The following SCIN variants were observed in gnomAD, a reference collection of about 807,000 sequenced individuals.
SCIN encodes the protein scinderin.
In SCIN, 91 loss-of-function variants were observed where a neutral mutation model predicts 91.8. The observed-to-expected ratio is 0.99, with a 90% CI of 0.84 to 1.18. The LOEUF (loss-of-function observed/expected upper bound fraction) is 1.18. Among genes scored for constraint, SCIN ranks in the 50% most tolerant of loss-of-function variants. SCIN has a pLI of 0.00. For synonymous variants in SCIN, 367 were observed against 312.6 expected (o/e 1.17, Z -1.84); for missense variants, 1,087 against 863.9 (o/e 1.26, Z -3.24).
chr7:12,641,507 G>T (rs1783859326), intron 11 of SCIN, among the ~76,000 whole-genome samples: 1 of 152,008 alleles, frequency 6.6e-6, no homozygotes. Flanking sequence ...AGACTGAACT[G>T]CCAGTCCTCC....
intron 3 of SCIN, among the ~76,000 whole-genome samples, chr7:12,593,664 A>C (rs1782774857): frequency 6.6e-6 from 1 of 152,114 alleles, no homozygotes; most frequent in African/African-American, 2.4e-5. Flanking sequence ...AATGTCTTTA[A>C]GTTTTTCAAA....
At chr7:12,635,974 C>T in intron 9 of SCIN, 71 bp from the exon 10 acceptor site, 2 of 1,055,782 alleles carry the variant, frequency 1.9e-6, no homozygotes, top group Non-Finnish European at 1.4e-6. Flanking sequence ...CTTGTCTCTG[C>T]TTGCAATGCC....
chr7:12,652,548 C>G, intron 15 of SCIN, 40 bp from the exon 16 acceptor site: 1 of 1,588,516 alleles, frequency 6.3e-7, no homozygotes, highest in Non-Finnish European at 8.6e-7. Flanking sequence ...TAGTTTAACC[C>G]AAACTAACTG....
chr7:12,581,234 T>G lies in SCIN; in HGVS notation c.516+13T>G. The G allele has an allele frequency of 6.5e-7, 1 of 1,549,310 alleles. No individual in the cohort carries two copies. On this transcript the variant is annotated intron_variant, in intron 3 of 15. Coordinates refer to ENST00000297029, the MANE Select transcript of SCIN (RefSeq NM_001112706.3). ...TGACCTTGGCACCGTAAGTTTCATATATACACATCGATGTCTAAAGAAAAG... is the reference window on the plus strand; with the variant it reads ...TGACCTTGGCACCGTAAGTTTCATAGATACACATCGATGTCTAAAGAAAAG...
At position 12,570,938 on chromosome 7, in the gene SCIN, C is replaced by T. The variant is rs1316642930; in HGVS notation, c.152C>T (p.Thr51Met). ...YVGDAYLVLHTAKTSRGFTYH... is the reference protein window; with the variant it reads ...YVGDAYLVLHMAKTSRGFTYH... ...GGGGATGCCTACCTGGTGCTGCACA[C>T]GGCCAAGACGAGCCGAGGCTTCACC... Residue 51 changes from threonine to methionine, a missense_variant, in exon 1 of 16, where the codon ACG becomes ATG. By Grantham distance (81) the Thr-to-Met change is moderately conservative. Transcript: ENST00000297029. 1.9e-6 allele frequency: 3 copies of T among 1,551,368 alleles called. No homozygotes were observed. The highest frequency in any genetic ancestry group is 2.6e-6 in the Non-Finnish European group (3 of 1,146,920).
rs1396026544 is a variant in SCIN, at chr7:12,651,141, T to C, written c.1960-700T>C. Among the ~76,000 whole-genome samples, 1 of 152,146 alleles carries C rather than the reference T, an allele frequency of 6.6e-6. No individual in the cohort carries two copies. Among genetic ancestry groups the C allele is most frequent in the African/African-American group, 2.4e-5 (1 of 41,414 alleles). On this transcript the variant is annotated intron_variant, in intron 14 of 15. Transcript: ENST00000297029. The surrounding 1 kb of genome is among the most constrained non-coding windows in gnomAD (Gnocchi z 5.9). ...TGATGCTTTTCTACCATTTTGAAGT[T>C]ACAGAAAGAATGGGGGATTGCAGGA...
intron 3 of SCIN, among the ~76,000 whole-genome samples, chr7:12,591,549 G>T (rs1028552579): frequency 2.6e-5 from 4 of 152,150 alleles, no homozygotes; most frequent in Non-Finnish European, 2.9e-5. Context: ...AGAGTGAAAG[G>T]TTGGGAGATA....
intron 11 of SCIN, among the ~76,000 whole-genome samples, chr7:12,641,318 G>A (rs1029006677): frequency 6.6e-6 from 1 of 152,078 alleles, no homozygotes; most frequent in Non-Finnish European, 1.5e-5. Flanking sequence ...TGTCCTCTGA[G>A]GACAGATTCC....
chr7:12,570,886 C>T lies in SCIN; in HGVS notation c.100C>T (p.Gln34Ter), dbSNP rs970897042. The change falls in exon 1 of 16, where the codon CAG becomes TAG. Residue 34 changes from glutamine to a stop codon, truncating the protein, a stop_gained. Transcript: ENST00000297029. LOFTEE classifies it high-confidence loss of function. ...GAAGCTGGAGCTGGTGCCCGTGCCC[C>T]AGAGCGCTCACGGCGACTTCTACGT... ...IEKLELVPVPQSAHGDFYVGD... is the reference protein window; with the variant it reads ...IEKLELVPVP 7.7e-6 allele frequency: 12 copies of T among 1,551,470 alleles called. No individual in the cohort carries two copies. Among genetic ancestry groups the T allele is most frequent in the Non-Finnish European group, 9.6e-6 (11 of 1,146,972 alleles).
At position 12,652,812 on chromosome 7, in the gene SCIN, T is replaced by C; in HGVS notation, c.*97T>C. 1 of 1,506,602 alleles carries C rather than the reference T, an allele frequency of 6.6e-7. No individual in the cohort carries two copies. Among genetic ancestry groups the C allele is most frequent in the Non-Finnish European group, 8.9e-7 (1 of 1,121,612 alleles). The allele number at this position is 1,506,602 out of a possible 1,614,324, so 93.3% of individuals were successfully genotyped here. A position where few individuals can be genotyped will look rare whatever the true frequency, so the allele number is the denominator to read the frequency against. Reference sequence around the variant, plus strand: ...AAAAGCTTTTTGCTTATTTGTCTTTTGAAAATTAAGGCTGGGCGCGGTGGC... The same window carrying C: ...AAAAGCTTTTTGCTTATTTGTCTTTCGAAAATTAAGGCTGGGCGCGGTGGC... On this transcript the variant is annotated 3_prime_UTR_variant, in exon 16 of 16. Transcript: ENST00000297029.
intron 2 of SCIN, among the ~76,000 whole-genome samples, chr7:12,578,591 C>T (rs775910373): frequency 2.0e-5 from 3 of 152,150 alleles, no homozygotes; most frequent in Middle Eastern, 3.4e-3. Flanking sequence ...TAGAAAATCT[C>T]TGAAGTTTCT....
At position 12,629,214 on chromosome 7, in the gene SCIN, C is replaced by G; in HGVS notation, c.1311C>G (p.Ile437Met). 1.2e-6 allele frequency: 2 copies of G among 1,610,262 alleles called. No homozygotes were observed. The highest frequency in any genetic ancestry group is 1.7e-6 in the Non-Finnish European group (2 of 1,178,794). ...ACACCTATCCCAGAGGACAGATTAT[C>G]TACACGTGGTGAGTTTATACGGGTA... ...ILYTYPRGQI[I>M]YTWQGANATR... The change falls in exon 9 of 16, where the codon ATC becomes ATG. Residue 437 changes from isoleucine to methionine, a missense_variant. Coordinates refer to ENST00000297029, the MANE Select transcript of SCIN (RefSeq NM_001112706.3).
intron 4 of SCIN, among the ~76,000 whole-genome samples, chr7:12,620,793 C>T (rs1269887182): frequency 1.3e-5 from 2 of 152,052 alleles, no homozygotes; most frequent in Non-Finnish European, 2.9e-5. Context: ...AAAATAAGTT[C>T]AGTTTGGAGT....
intron 1 of SCIN, among the ~76,000 whole-genome samples, chr7:12,576,817 C>A (rs1307200837): frequency 6.6e-6 from 1 of 152,052 alleles, no homozygotes; most frequent in African/African-American, 2.4e-5. Flanking sequence ...TATGAGGTTG[C>A]TTGAAGATTA....
intron 3 of SCIN, among the ~76,000 whole-genome samples, chr7:12,598,789 G>A (rs1782895787): frequency 6.6e-6 from 1 of 152,046 alleles, no homozygotes; most frequent in Non-Finnish European, 1.5e-5. Context: ...CATAGCTGTA[G>A]TCCTACCTAC....
In SCIN at chr7:12,657,557, TATATATATATATA is replaced by T. The variant is rs1398928351; in HGVS notation, c.*4843_*4855del. On this transcript the variant is annotated 3_prime_UTR_variant, in exon 16 of 16. Transcript: ENST00000297029. ...GTGTGTGTATATATATATATATATA[TATATATATATATA>T]TATTTTTTTTTTTTTTTTTTTTTTT... 8.4e-4 allele frequency: 25 copies of T among 29,706 alleles called. No individual in the cohort carries two copies. The highest frequency in any genetic ancestry group is 2.2e-3 in the Non-Finnish European group (20 of 9,222). The allele number at this position is 29,706 out of a possible 1,614,324, so 1.8% of individuals were successfully genotyped here.
intron 4 of SCIN, among the ~76,000 whole-genome samples, chr7:12,615,364 T>C (rs983754900): frequency 8.5e-5 from 13 of 152,162 alleles, no homozygotes; most frequent in African/African-American, 2.9e-4. Context: ...GTTCTCGTGA[T>C]AGTGAGGGAG....
In SCIN at chr7:12,594,127, G is replaced by T. The variant is rs143314421; in HGVS notation, c.517-10387G>T. Among the ~76,000 whole-genome samples the T allele has an allele frequency of 2.9e-3, 440 of 152,226 alleles. 1 individual carries two copies. The highest frequency in any genetic ancestry group is 0.01 in the African/African-American group (422 of 41,550). On this transcript the variant is annotated intron_variant, in intron 3 of 15. Transcript: ENST00000297029. ...GTTGCTGAGCACATTGGGCCCGAGA[G>T]CGGGTGAGGGGAGGAGGCAGAGAGG...
At chr7:12,642,928 T>A (rs917192610) in intron 11 of SCIN, among the ~76,000 whole-genome samples, 1 of 152,304 alleles carries the variant, frequency 6.6e-6, no homozygotes, top group South Asian at 2.1e-4. Flanking sequence ...TGCTACCATA[T>A]GTATTGATCT....
Sources: gnomAD v4.1 joint callset for allele counts (sites outside exome capture counted in the v4.1 genomes callset) on GRCh38, gnomAD v4.1.1 for gene constraint, Gnocchi (gnomAD v3.1) non-coding constraint, MANE v1.5 for transcripts, NCBI Gene and HGNC (gene_info 2026-07-23, HGNC 2026-07-21) for gene names.